The following RORB variants were observed in gnomAD, a reference collection of about 807,000 sequenced individuals.
RORB encodes nuclear receptor ROR-beta.
Under a neutral mutation model 59.1 loss-of-function variants are expected in RORB, and 6 were observed. The ratio of observed to expected loss-of-function variants is 0.10; its 90% confidence interval spans 0.06 to 0.20. The LOEUF is 0.20. RORB is among the 10% of genes least tolerant of loss of function. The pLI is 1.00. For missense variants in RORB, 320 were observed against 560.5 expected (o/e 0.57, Z 4.33); for synonymous variants, 215 against 204.5 (o/e 1.05, Z -0.44).
chr9:74,681,784 C>G (rs992580595), intron 9 of RORB, among the ~76,000 whole-genome samples: 1 of 152,124 alleles, frequency 6.6e-6, no homozygotes, highest in Non-Finnish European at 1.5e-5. Flanking sequence ...CACCCTGTCA[C>G]TAAAGGAGCA....
chr9:74,685,272 G>C lies in RORB; in HGVS notation c.1225-191G>C, dbSNP rs549728578. Among the ~76,000 whole-genome samples the C allele has an allele frequency of 5.1e-4, 78 of 151,756 alleles. 1 individual carries two copies. Among genetic ancestry groups the C allele is most frequent in the African/African-American group, 1.9e-3 (77 of 41,364 alleles). ...TTTTCCTTTAGGAGATGGTGTCCGG[G>C]GGGGCGGGGGTGGGTACGTTTTATT... On this transcript the variant is annotated intron_variant, in intron 9 of 9. Coordinates refer to ENST00000376896, the MANE Select transcript of RORB (RefSeq NM_006914.4).
chr9:74,670,578 C>T (rs931721212), intron 8 of RORB, among the ~76,000 whole-genome samples: 3 of 152,168 alleles, frequency 2.0e-5, no homozygotes, highest in African/African-American at 7.2e-5. Context: ...CTAGTGGGGA[C>T]TCTTCCAGTG....
chr9:74,599,700 A>C (rs1306988720), intron 1 of RORB, among the ~76,000 whole-genome samples: 1 of 152,222 alleles, frequency 6.6e-6, no homozygotes, highest in Non-Finnish European at 1.5e-5. Flanking sequence ...TTGAGGAGTA[A>C]GGTTCAATGA....
intron 1 of RORB, among the ~76,000 whole-genome samples, chr9:74,528,429 C>T (rs974389957): frequency 2.6e-5 from 4 of 151,966 alleles, no homozygotes; most frequent in Non-Finnish European, 5.9e-5. Context: ...CACAGCCGTC[C>T]GTCTGGCGGT....
intron 1 of RORB, among the ~76,000 whole-genome samples, chr9:74,550,549 T>A (rs776410720): frequency 2.0e-5 from 3 of 152,258 alleles, no homozygotes; most frequent in Non-Finnish European, 4.4e-5. Context: ...TTTCTAGCTC[T>A]CTGCAAGTTT....
Position 74,537,186 on chromosome 9 carries a change from A to G in RORB, c.7+39203A>G, listed in dbSNP as rs150037047. ...TCTAGAATGTCATGGTGCCTCCTTCATCATTCATCGTTACCTCTTCCCCGT... is the reference window on the plus strand; with the variant it reads ...TCTAGAATGTCATGGTGCCTCCTTCGTCATTCATCGTTACCTCTTCCCCGT... On this transcript the variant is annotated intron_variant, in intron 1 of 9. Transcript: ENST00000376896. Among the ~76,000 whole-genome samples the G allele has an allele frequency of 6.4e-4, 98 of 152,178 alleles. 1 individual carries two copies. In the East Asian group the frequency reaches 0.017, roughly 26 times the overall value.
At chr9:74,540,775 C>G (rs745430866) in intron 1 of RORB, among the ~76,000 whole-genome samples, 3 of 151,986 alleles carry the variant, frequency 2.0e-5, no homozygotes, top group Non-Finnish European at 2.9e-5. Context: ...CATTGGAAAA[C>G]CACATAAATA....
At chr9:74,558,240 T>C (rs1442090976) in intron 1 of RORB, among the ~76,000 whole-genome samples, 1 of 152,160 alleles carries the variant, frequency 6.6e-6, no homozygotes, top group East Asian at 1.9e-4. Context: ...CTCAAATAGC[T>C]GCATCCAGCC....
At chr9:74,614,599 T>TA (rs1661661309) in intron 1 of RORB, among the ~76,000 whole-genome samples, 1 of 151,826 alleles carries the variant, frequency 6.6e-6, no homozygotes, top group Non-Finnish European at 1.5e-5. Flanking sequence ...AATTTATTTT[T>TA]AAAAAAATAA....
chr9:74,657,079 C>T (rs1433532204), intron 4 of RORB, among the ~76,000 whole-genome samples: 1 of 152,130 alleles, frequency 6.6e-6, no homozygotes, highest in Non-Finnish European at 1.5e-5. Flanking sequence ...CGGAGTCACG[C>T]TCTGTCACCA....
intron 1 of RORB, among the ~76,000 whole-genome samples, chr9:74,527,340 C>T (rs1276848442): frequency 2.6e-5 from 4 of 152,016 alleles, no homozygotes; most frequent in Admixed American, 6.6e-5. Flanking sequence ...ATGTGCCAGT[C>T]GCTGTTCCAA....
At chr9:74,625,392 T>A (rs1823494249) in intron 1 of RORB, among the ~76,000 whole-genome samples, 2 of 152,128 alleles carry the variant, frequency 1.3e-5, no homozygotes, top group Non-Finnish European at 2.9e-5. Flanking sequence ...GGCAAGCGGA[T>A]CACTTGGGGC....
chr9:74,579,168 G>A (rs532494577), intron 1 of RORB, among the ~76,000 whole-genome samples: 2 of 151,964 alleles, frequency 1.3e-5, no homozygotes, highest in South Asian at 2.1e-4. Context: ...ATAATATTTA[G>A]TCTTATAAGA....
At chr9:74,662,635 T>C (rs1824207380) in intron 6 of RORB, 29 bp downstream of exon 6, 1 of 1,609,442 alleles carries the variant, frequency 6.2e-7, no homozygotes, top group Non-Finnish European at 8.5e-7. Context: ...GGGAGGCCTA[T>C]TTCAGATAAG....
At chr9:74,609,632 T>C (rs1823204371) in intron 1 of RORB, among the ~76,000 whole-genome samples, 1 of 152,190 alleles carries the variant, frequency 6.6e-6, no homozygotes, top group Non-Finnish European at 1.5e-5. Flanking sequence ...TCATATGCAT[T>C]TTCTCTTTTA....
chr9:74,618,394 G>A (rs1015030683), intron 1 of RORB, among the ~76,000 whole-genome samples: 1 of 152,022 alleles, frequency 6.6e-6, no homozygotes, highest in Non-Finnish European at 1.5e-5. Flanking sequence ...CTCAGTGTGG[G>A]GTGATAGTCC....
intron 9 of RORB, among the ~76,000 whole-genome samples, chr9:74,675,922 T>C (rs1286109688): frequency 6.6e-6 from 1 of 152,176 alleles, no homozygotes; most frequent in Non-Finnish European, 1.5e-5. Context: ...GGGCAGCAAA[T>C]GTTTGAACTA....
chr9:74,593,055 A>G (rs562056920), intron 1 of RORB, among the ~76,000 whole-genome samples: 1 of 152,242 alleles, frequency 6.6e-6, no homozygotes, highest in East Asian at 1.9e-4. Flanking sequence ...TTGTCCATCC[A>G]TTACTGAAAC....
At chr9:74,534,064 T>C (rs1437607242) in intron 1 of RORB, among the ~76,000 whole-genome samples, 1 of 152,068 alleles carries the variant, frequency 6.6e-6, no homozygotes, top group Non-Finnish European at 1.5e-5. Context: ...TGAGACCACA[T>C]TTAACTTTTC....
Sources: allele counts gnomAD v4.1 joint callset (sites outside exome capture counted in the v4.1 genomes callset), GRCh38; gene constraint gnomAD v4.1.1; transcripts MANE v1.5; gene names NCBI Gene and HGNC (gene_info 2026-07-23, HGNC 2026-07-21).